NTN4: variants seen among roughly 807,000 people sequenced by gnomAD.
NTN4 encodes the protein netrin-4.
NTN4 carries 32 observed loss-of-function variants against 73.6 expected under a neutral mutation model. The observed-to-expected ratio is 0.44, with a 90% CI of 0.33 to 0.58. The LOEUF (loss-of-function observed/expected upper bound fraction) is 0.58. Ranked by LOEUF, NTN4 falls within the 20% of genes least tolerant of loss-of-function variation. The pLI, the probability that NTN4 is intolerant of heterozygous loss-of-function variation, is 0.04. For synonymous variants in NTN4, 258 were observed against 287.5 expected, an observed-to-expected ratio of 0.90 and a Z score of 1.04; for missense variants, 654 against 798.3, an observed-to-expected ratio of 0.82 and a Z score of 2.18.
intron 5 of NTN4, among the ~76,000 whole-genome samples, chr12:95,704,811 C>T (rs565382172): frequency 7.2e-5 from 11 of 152,202 alleles, no homozygotes; most frequent in African/African-American, 2.4e-4. Flanking sequence ...AGTCACAAAG[C>T]GAATGGAGAT....
At chr12:95,692,061 G>A in intron 5 of NTN4, among the ~76,000 whole-genome samples, 1 of 152,120 alleles carries the variant, frequency 6.6e-6, no homozygotes, top group East Asian at 1.9e-4. Context: ...GGGGGACAGA[G>A]TTTCGCTCTT....
intron 9 of NTN4, among the ~76,000 whole-genome samples, chr12:95,662,200 TCCCTC>T (rs2078143341): frequency 2.2e-5 from 3 of 134,240 alleles, no homozygotes. Context: ...CCCCTCCCCT[TCCCTC>T]CCCTCTCCTT....
intron 5 of NTN4, among the ~76,000 whole-genome samples, chr12:95,706,580 T>C (rs1220412147): frequency 2.0e-5 from 3 of 152,226 alleles, no homozygotes; most frequent in Non-Finnish European, 4.4e-5. Context: ...TGAATTATTG[T>C]GATGGCTCCT....
At chr12:95,694,541 A>G (rs1214744577) in intron 5 of NTN4, among the ~76,000 whole-genome samples, 1 of 152,210 alleles carries the variant, frequency 6.6e-6, no homozygotes, top group Non-Finnish European at 1.5e-5. Context: ...CACAATTTGA[A>G]CTGTTATACA....
chr12:95,684,447 C>CAT (rs2078345046), intron 5 of NTN4, among the ~76,000 whole-genome samples: 1 of 151,878 alleles, frequency 6.6e-6, no homozygotes, highest in Non-Finnish European at 1.5e-5. Context: ...TACAAGCCGG[C>CAT]ACCATCATAC....
intron 2 of NTN4, among the ~76,000 whole-genome samples, chr12:95,758,148 G>A (rs2078960409): frequency 6.6e-6 from 1 of 152,206 alleles, no homozygotes; most frequent in Admixed American, 6.5e-5. Context: ...ATAAGGAACT[G>A]CCAAAGTGTT....
At chr12:95,746,544 TACA>T (rs2078864396) in intron 2 of NTN4, among the ~76,000 whole-genome samples, 1 of 152,194 alleles carries the variant, frequency 6.6e-6, no homozygotes, top group East Asian at 1.9e-4. Flanking sequence ...CTCGCTCAGG[TACA>T]ACAAGGGTGT....
intron 5 of NTN4, among the ~76,000 whole-genome samples, chr12:95,693,328 A>G (rs191315102): frequency 1.1e-4 from 17 of 152,260 alleles, no homozygotes; most frequent in African/African-American, 3.9e-4. Context: ...GGCTTTCAAA[A>G]TAGCCTCCTT....
In NTN4 at chr12:95,789,689, G is replaced by T; in HGVS notation, c.55+566C>A. 1 of 153,208 alleles carries T rather than the reference G, an allele frequency of 6.5e-6. No individual in the cohort carries two copies. Among genetic ancestry groups the T allele is most frequent in the Non-Finnish European group, 1.5e-5 (1 of 68,764 alleles). The allele number at this position is 153,208 out of a possible 1,614,324, so 9.5% of individuals were successfully genotyped here. On this transcript the variant is annotated intron_variant, in intron 1 of 9. Transcript: ENST00000343702. This position sits in a 1 kb window ranked among gnomAD's most constrained non-coding sequence, Gnocchi z 4.0. The stretch of plus-strand genomic sequence containing the variant: ...CGGCCAGCCAGCTCAATGCAAGCCC[G>T]GGGTGATCACCACCTATCGTCCAAG...
intron 3 of NTN4, among the ~76,000 whole-genome samples, chr12:95,721,711 A>AAGTACACTGTGCAT (rs2078649417): frequency 6.6e-6 from 1 of 152,216 alleles, no homozygotes; most frequent in South Asian, 2.1e-4. Flanking sequence ...GAAGAATAAG[A>AAGTACACTGTGCAT]AGTACACTGT....
At chr12:95,715,679 AT>A (rs973119549) in intron 3 of NTN4, among the ~76,000 whole-genome samples, 2 of 152,082 alleles carry the variant, frequency 1.3e-5, no homozygotes, top group Non-Finnish European at 2.9e-5. Flanking sequence ...TAAAAATGAG[AT>A]TTTTTTCATC....
chr12:95,785,535 A>G (rs1381439134), intron 2 of NTN4, among the ~76,000 whole-genome samples: 2 of 152,220 alleles, frequency 1.3e-5, no homozygotes, highest in African/African-American at 2.4e-5. Flanking sequence ...TGCCAGCAGC[A>G]CTATTCTTGC....
intron 5 of NTN4, among the ~76,000 whole-genome samples, chr12:95,700,104 T>TA (rs1189030424): frequency 1.6e-5 from 2 of 125,988 alleles, no homozygotes; most frequent in Non-Finnish European, 3.4e-5. Context: ...TTTTTTTTTT[T>TA]TTTTTTTTTT....
intron 7 of NTN4, among the ~76,000 whole-genome samples, chr12:95,682,060 T>TTTTTTTTTTTTG (rs2078321009): frequency 1.3e-5 from 1 of 74,404 alleles, no homozygotes; most frequent in African/African-American, 3.9e-5. Flanking sequence ...CAGTAGGCTT[T>TTTTTTTTTTTTG]TTTTTTTTTT....
chr12:95,786,946 C>G lies in NTN4; in HGVS notation c.578G>C (p.Gly193Ala), dbSNP rs909081878. 6 of 1,613,880 alleles carry G rather than the reference C, an allele frequency of 3.7e-6. 1 individual carries two copies. In the South Asian group the frequency reaches 6.6e-5, roughly 18 times the overall value. Reference protein sequence around the residue: ...SKYSSPFPCTGGEVIFKALSP... With the variant: ...SKYSSPFPCTAGEVIFKALSP... ...TTAAACAGGTGCCCTTACCTCTCCT[C>G]CAGTGCATGGAAAAGGACTGGAGTA... Residue 193 changes from glycine to alanine, a missense_variant, in exon 2 of 10, where the codon GGA becomes GCA. By Grantham distance (60) the Gly-to-Ala change is moderately conservative (BLOSUM62 0). Coordinates refer to ENST00000343702, the MANE Select transcript of NTN4 (RefSeq NM_021229.4).
At chr12:95,773,104 C>T (rs186962219) in intron 2 of NTN4, among the ~76,000 whole-genome samples, 250 of 151,888 alleles carry the variant, frequency 1.6e-3, no homozygotes, top group South Asian at 4.6e-3. Context: ...CCGGGGTTCA[C>T]GTTATTCTCA....
intron 2 of NTN4, among the ~76,000 whole-genome samples, chr12:95,769,353 A>G (rs1334217710): frequency 6.6e-6 from 1 of 152,112 alleles, no homozygotes; most frequent in East Asian, 1.9e-4. Context: ...ATTTTTACAG[A>G]CAAATAGGAG....
chr12:95,740,257 C>T (rs1363491632), intron 2 of NTN4, among the ~76,000 whole-genome samples: 3 of 152,196 alleles, frequency 2.0e-5, no homozygotes, highest in Non-Finnish European at 2.9e-5. Flanking sequence ...TCTGGCAGGT[C>T]GCCCTTTGGG....
chr12:95,713,670 G>A (rs565030421), intron 3 of NTN4, among the ~76,000 whole-genome samples: 1 of 152,062 alleles, frequency 6.6e-6, no homozygotes, highest in Non-Finnish European at 1.5e-5. Context: ...TTATGCAAAA[G>A]TAACATACCT....
Sources: gnomAD v4.1 joint callset for allele counts (sites outside exome capture counted in the v4.1 genomes callset) on GRCh38, gnomAD v4.1.1 for gene constraint, Gnocchi (gnomAD v3.1) non-coding constraint, MANE v1.5 for transcripts, NCBI Gene and HGNC (gene_info 2026-07-23, HGNC 2026-07-21) for gene names.